CNOT8: variants seen among roughly 807,000 people sequenced by gnomAD.
The protein encoded by CNOT8 is CAF1-like protein.
CNOT8 carries 18 observed loss-of-function variants against 34.6 expected under a neutral mutation model. The ratio of observed to expected loss-of-function variants is 0.52; its 90% confidence interval spans 0.36 to 0.77. The LOEUF (loss-of-function observed/expected upper bound fraction) is 0.77, where lower values mean the gene tolerates loss of function less well. CNOT8 is among the 30% of genes least tolerant of loss of function. The probability of loss-of-function intolerance (pLI) is 0.00; values close to 1 mark genes in which losing one functional copy is unlikely to be tolerated. For synonymous variants in CNOT8, 101 were observed against 118.8 expected (o/e 0.85, Z 0.98); for missense variants, 189 against 347.9 (o/e 0.54, Z 3.63).
intron 3 of CNOT8, among the ~76,000 whole-genome samples, chr5:154,868,440 T>C (rs540920495): frequency 6.6e-6 from 1 of 152,050 alleles, no homozygotes; most frequent in East Asian, 1.9e-4. Context: ...AACTTTTGTA[T>C]TTTTAGTAAA....
Position 154,865,306 on chromosome 5 carries a change from G to C in CNOT8, c.232G>C (p.Gly78Arg). ...NVDLLKIIQLGLTFTNEKGEY... is the reference protein window; with the variant it reads ...NVDLLKIIQLRLTFTNEKGEY... ...TGACCTTTTAAAAATTATCCAGCTGGGCCTTACATTCACAAATGAGAAGGG... is the reference window on the plus strand; with the variant it reads ...TGACCTTTTAAAAATTATCCAGCTGCGCCTTACATTCACAAATGAGAAGGG... The change falls in exon 3 of 7, where the codon GGC becomes CGC. Residue 78 changes from glycine to arginine, a missense_variant. This residue lies in a region of CNOT8 where 160 missense variants were observed against 321.9 expected (regional missense o/e 0.50). Coordinates refer to ENST00000285896, the MANE Select transcript of CNOT8 (RefSeq NM_001301073.2). 6.2e-7 allele frequency: 1 copy of C among 1,613,220 alleles called. No individual in the cohort carries two copies. The highest frequency in any genetic ancestry group is 8.5e-7 in the Non-Finnish European group (1 of 1,179,818).
intron 3 of CNOT8, among the ~76,000 whole-genome samples, chr5:154,866,882 C>T (rs1449441784): frequency 6.6e-6 from 1 of 151,850 alleles, no homozygotes; most frequent in Non-Finnish European, 1.5e-5. Context: ...CACTGCACTC[C>T]AGCCTAGGTG....
chr5:154,874,748 T>C (rs1231874366), intron 6 of CNOT8, among the ~76,000 whole-genome samples: 1 of 151,782 alleles, frequency 6.6e-6, no homozygotes, highest in Non-Finnish European at 1.5e-5. Context: ...TTGGCCAGGC[T>C]GGTCTTGAAC....
At chr5:154,860,575 TG>T (rs1369273791) in intron 1 of CNOT8, among the ~76,000 whole-genome samples, 3 of 152,208 alleles carry the variant, frequency 2.0e-5, no homozygotes, top group Admixed American at 6.5e-5. Context: ...TCAAAAGTGC[TG>T]GGATTACAGG....
At position 154,875,547 on chromosome 5, in the gene CNOT8, T is replaced by C. The variant is rs1762865644; in HGVS notation, c.*108T>C. The C allele has an allele frequency of 8.3e-7, 1 of 1,209,576 alleles. No individual in the cohort carries two copies. The highest frequency in any genetic ancestry group is 1.1e-6 in the Non-Finnish European group (1 of 877,304). The allele number at this position is 1,209,576 out of a possible 1,614,324, so 74.9% of individuals were successfully genotyped here. On this transcript the variant is annotated 3_prime_UTR_variant, in exon 7 of 7. Transcript: ENST00000285896. ...ATGCTTCTTTTGAGCACACTGTACC[T>C]ACCATCTGCATTGAGCAGAAAGACT... is the stretch of plus-strand genomic sequence containing the variant.
chr5:154,872,518 CTTTG>C lies in CNOT8; in HGVS notation c.619-20_619-17del, dbSNP rs751921527. 46 of 1,521,188 alleles carry C rather than the reference CTTTG, an allele frequency of 3.0e-5. No homozygotes were observed. In the African/African-American group the frequency reaches 5.9e-4, roughly 20 times the overall value. The allele number at this position is 1,521,188 out of a possible 1,614,324, so 94.2% of individuals were successfully genotyped here. A position where few individuals can be genotyped will look rare whatever the true frequency, so the allele number is the denominator to read the frequency against. On this transcript the variant is annotated intron_variant, in intron 5 of 6. Coordinates refer to ENST00000285896, the MANE Select transcript of CNOT8 (RefSeq NM_001301073.2). The stretch of plus-strand genomic sequence containing the variant: ...GGGCATGTTGGGTTTGTAATATTAT[CTTTG>C]TTCTCCATACATCTCCAGGGAGGTC...
At chr5:154,858,470 G>C (rs904165848), upstream of CNOT8, 10 of 152,428 alleles carry the variant, frequency 6.6e-5, no homozygotes, top group African/African-American at 2.4e-4. Flanking sequence ...GCGCAAAGGG[G>C]GAGGAGCGGG....
intron 3 of CNOT8, among the ~76,000 whole-genome samples, chr5:154,869,108 A>T (rs1400087650): frequency 6.6e-6 from 1 of 150,684 alleles, no homozygotes; most frequent in Non-Finnish European, 1.5e-5. Flanking sequence ...GTGCCTCAAT[A>T]TTTTTTTGTT....
intron 6 of CNOT8, among the ~76,000 whole-genome samples, chr5:154,874,966 G>T (rs903229736): frequency 1.3e-5 from 2 of 151,788 alleles, no homozygotes; most frequent in African/African-American, 4.8e-5. Flanking sequence ...GCCCAGGCTG[G>T]AGTGCAGTGG....
At chr5:154,865,527 A>G in intron 3 of CNOT8, 142 bp downstream of exon 3, 1 of 539,414 alleles carries the variant, frequency 1.9e-6, no homozygotes, top group Non-Finnish European at 3.1e-6. Flanking sequence ...GCAGCAGCTC[A>G]ACAATGAAAA....
intron 2 of CNOT8, among the ~76,000 whole-genome samples, chr5:154,864,630 T>C (rs1266113435): frequency 6.6e-6 from 1 of 152,230 alleles, no homozygotes; most frequent in Non-Finnish European, 1.5e-5. Flanking sequence ...ATGTTCTTAA[T>C]TGACTGCATA....
At chr5:154,868,083 C>T (rs893734301) in intron 3 of CNOT8, among the ~76,000 whole-genome samples, 1 of 151,374 alleles carries the variant, frequency 6.6e-6, no homozygotes, top group Non-Finnish European at 1.5e-5. Flanking sequence ...ATTACAGGCG[C>T]CCACCACCAT....
chr5:154,866,193 G>A (rs1473022476), intron 3 of CNOT8, among the ~76,000 whole-genome samples: 1 of 152,034 alleles, frequency 6.6e-6, no homozygotes. Flanking sequence ...ACAGGGTCTC[G>A]CTTTGTCACC....
At chr5:154,874,624 T>G (rs1762778987) in intron 6 of CNOT8, among the ~76,000 whole-genome samples, 1 of 151,884 alleles carries the variant, frequency 6.6e-6, no homozygotes, top group Non-Finnish European at 1.5e-5. Context: ...AACCTCTGCC[T>G]CTCGGGTTCA....
At chr5:154,861,330 G>A (rs1276232151) in intron 1 of CNOT8, among the ~76,000 whole-genome samples, 1 of 152,096 alleles carries the variant, frequency 6.6e-6, no homozygotes, top group Non-Finnish European at 1.5e-5. Context: ...GTTTTTTGGG[G>A]GAGATGCCAC....
intron 3 of CNOT8, among the ~76,000 whole-genome samples, chr5:154,866,702 CAGG>C (rs1761913467): frequency 2.0e-5 from 3 of 152,028 alleles, no homozygotes; most frequent in Non-Finnish European, 4.4e-5. Context: ...CACTTGAGGC[CAGG>C]AGTTCAAGAC....
rs1388403966 is a variant in CNOT8, at chr5:154,876,096, G to A, written c.*657G>A. The A allele has an allele frequency of 6.6e-6, 1 of 152,270 alleles. No individual in the cohort carries two copies. Among genetic ancestry groups the A allele is most frequent in the African/African-American group, 2.4e-5 (1 of 41,460 alleles). 9.4% of individuals were successfully genotyped at this position (152,270 alleles called of 1,614,324 possible). On this transcript the variant is annotated 3_prime_UTR_variant, in exon 7 of 7. Coordinates refer to ENST00000285896, the MANE Select transcript of CNOT8 (RefSeq NM_001301073.2). ...CTGAATCTGTCTACCCTTCATTCAT[G>A]AGAACTCCAGAATGAGTGTTGACCA...
intron 3 of CNOT8, among the ~76,000 whole-genome samples, chr5:154,868,263 C>CTTTTTTTTTTTTT (rs200482243): frequency 1.6e-5 from 2 of 127,256 alleles, no homozygotes; most frequent in African/African-American, 6.3e-5. Context: ...TTTTTCTTTT[C>CTTTTTTTTTTTTT]TTTTCTTTTT....
intron 6 of CNOT8, among the ~76,000 whole-genome samples, chr5:154,872,853 C>T (rs562164469): frequency 1.3e-5 from 2 of 152,292 alleles, no homozygotes; most frequent in South Asian, 2.1e-4. Flanking sequence ...ACTGCAACCT[C>T]CGCCTCCCGG....
Sources: gnomAD v4.1 joint callset for allele counts (sites outside exome capture counted in the v4.1 genomes callset) on GRCh38, gnomAD v4.1.1 for gene constraint, gnomAD v4.1.1 regional missense constraint, MANE v1.5 for transcripts, NCBI Gene and HGNC (gene_info 2026-07-23, HGNC 2026-07-21) for gene names.